The following WAPL variants were observed in gnomAD, a reference collection of about 807,000 sequenced individuals.
WAPL encodes WAPL cohesin release factor, also known as wings apart-like protein homolog.
WAPL carries 5 observed loss-of-function variants against 121.0 expected under a neutral mutation model. The observed-to-expected ratio is 0.04, with a 90% CI of 0.02 to 0.09. The LOEUF (loss-of-function observed/expected upper bound fraction) is 0.09, where lower values mean the gene tolerates loss of function less well. Ranked by LOEUF, WAPL falls within the 10% of genes least tolerant of loss-of-function variation. The pLI is 1.00. For synonymous variants in WAPL, 480 were observed against 481.5 expected (o/e 1.00, Z 0.04); for missense variants, 999 against 1,410.8 (o/e 0.71, Z 4.68).
chr10:86,448,304 A>G (rs886528459), intron 15 of WAPL, among the ~76,000 whole-genome samples: 2 of 152,158 alleles, frequency 1.3e-5, no homozygotes, highest in East Asian at 3.9e-4. Context: ...TACGAAACTT[A>G]GCCAAACGTG....
At chr10:86,467,630 A>C in intron 8 of WAPL, 124 bp from the exon 9 acceptor site, 5 of 703,144 alleles carry the variant, frequency 7.1e-6, no homozygotes, top group South Asian at 2.7e-5. Flanking sequence ...ATTACTAACC[A>C]TGTTGGAAAC....
chr10:86,506,777 A>C (rs1380276273), intron 2 of WAPL, among the ~76,000 whole-genome samples: 1 of 151,284 alleles, frequency 6.6e-6, no homozygotes, highest in Non-Finnish European at 1.5e-5. Flanking sequence ...GCAACAGAGA[A>C]AGACCTTGTT....
chr10:86,510,268 T>C (rs1842435415), intron 2 of WAPL, among the ~76,000 whole-genome samples: 1 of 151,902 alleles, frequency 6.6e-6, no homozygotes, highest in Non-Finnish European at 1.5e-5. Context: ...AGAGACGGGA[T>C]CTCACCATGT....
chr10:86,496,886 T>TG (rs138604710), intron 4 of WAPL, among the ~76,000 whole-genome samples: 90,589 of 138,880 alleles, frequency 0.65, 27,309 homozygotes, highest in African/African-American at 0.68. Context: ...AGGTGTGCAG[T>TG]GGGGGAGGAA....
Position 86,517,772 on chromosome 10 carries a change from A to G in WAPL, c.298T>C (p.Ser100Pro). ...AQVKCSSYSE[S>P]SEAAQLEEVT... ...TCTTCCAACTGAGCAGCTTCACTAG[A>G]TTCTGAATAAGAGGAACACTTAACC... Residue 100 changes from serine to proline, a missense_variant, in exon 2 of 19, where the codon TCT (serine) becomes CCT (proline). Physicochemically the swap from Ser to Pro is moderately conservative, Grantham distance 74. This residue lies in a region of WAPL where 531 missense variants were observed against 563.1 expected (regional missense o/e 0.94). Coordinates refer to ENST00000298767, the MANE Select transcript of WAPL (RefSeq NM_015045.5). 6.2e-7 allele frequency: 1 copy of G among 1,614,174 alleles called. No individual in the cohort carries two copies. The highest frequency in any genetic ancestry group is 8.5e-7 in the Non-Finnish European group (1 of 1,180,024).
At chr10:86,451,812 T>C (rs761756164) in intron 15 of WAPL, among the ~76,000 whole-genome samples, 155 bp downstream of exon 15, 1 of 152,154 alleles carries the variant, frequency 6.6e-6, no homozygotes, top group South Asian at 2.1e-4. Flanking sequence ...AGCAGAGACA[T>C]GCTTCAGGAG....
chr10:86,448,882 TG>T (rs1430191317), intron 15 of WAPL, among the ~76,000 whole-genome samples: 2 of 152,228 alleles, frequency 1.3e-5, no homozygotes, highest in Non-Finnish European at 2.9e-5. Context: ...CCCCAAGTGC[TG>T]GGATTACAGA....
chr10:86,491,522 G>C (rs974036217), intron 4 of WAPL, among the ~76,000 whole-genome samples: 3 of 151,986 alleles, frequency 2.0e-5, no homozygotes, highest in African/African-American at 7.2e-5. Flanking sequence ...TCAGATCTTG[G>C]TTTCTAAGTA....
chr10:86,482,870 T>C (rs554624632), intron 4 of WAPL, among the ~76,000 whole-genome samples: 32 of 152,290 alleles, frequency 2.1e-4, no homozygotes, highest in Non-Finnish European at 3.5e-4. Context: ...AACTTCCCAT[T>C]ATAAAATGAT....
chr10:86,518,366 T>C (rs1369540731), intron 1 of WAPL, among the ~76,000 whole-genome samples: 1 of 152,256 alleles, frequency 6.6e-6, no homozygotes, highest in Non-Finnish European at 1.5e-5. Context: ...ACGATATCCA[T>C]AAAGCTAACT....
chr10:86,458,678 A>T (rs1841205234), intron 12 of WAPL, among the ~76,000 whole-genome samples: 1 of 152,184 alleles, frequency 6.6e-6, no homozygotes. Flanking sequence ...TTACAAACAT[A>T]CAAATTAACT....
intron 12 of WAPL, among the ~76,000 whole-genome samples, chr10:86,456,730 T>C (rs139107863): frequency 5.1e-4 from 77 of 152,360 alleles, no homozygotes; most frequent in Admixed American, 9.8e-4. Flanking sequence ...GTTCTTCTGG[T>C]ATTGAATGCT....
At chr10:86,448,354 G>A (rs1840888188) in intron 15 of WAPL, among the ~76,000 whole-genome samples, 1 of 152,136 alleles carries the variant, frequency 6.6e-6, no homozygotes, top group Non-Finnish European at 1.5e-5. Flanking sequence ...GGGAGGCTGA[G>A]GTGAAAGGAT....
At chr10:86,456,639 G>A (rs905152892) in intron 12 of WAPL, among the ~76,000 whole-genome samples, 1 of 152,154 alleles carries the variant, frequency 6.6e-6, no homozygotes, top group African/African-American at 2.4e-5. Flanking sequence ...AAAACATACT[G>A]AGGAAGTTCT....
rs1256278340 is a variant in WAPL at position 86,500,011 on chromosome 10, G to A, written c.1232C>T (p.Thr411Ile). 6.2e-7 allele frequency: 1 copy of A among 1,614,110 alleles called. No homozygotes were observed. The highest frequency in any genetic ancestry group is 1.7e-5 in the Admixed American group (1 of 60,006). ...KADIATSKTTTRFRPSNTKSK... is the reference protein window; with the variant it reads ...KADIATSKTTIRFRPSNTKSK... ...TTTAGTATTACTAGGTCGAAATCTA[G>A]TAGTAGTCTTAGAAGTTGCAATATC... Residue 411 changes from threonine (T) to isoleucine (I), a missense_variant, in exon 3 of 19, where the codon ACT (threonine) becomes ATT (isoleucine). Thr to Ile is a moderately conservative substitution (Grantham distance 89, BLOSUM62 -1). Transcript: ENST00000298767.
chr10:86,471,640 T>C (rs1841535501), intron 7 of WAPL, among the ~76,000 whole-genome samples: 1 of 152,042 alleles, frequency 6.6e-6, no homozygotes, highest in Non-Finnish European at 1.5e-5. Flanking sequence ...TTTACTTTAT[T>C]TCTTTCTGGT....
At chr10:86,461,044 G>A in intron 10 of WAPL, 132 bp downstream of exon 10, 1 of 747,048 alleles carries the variant, frequency 1.3e-6, no homozygotes, top group Non-Finnish European at 2.1e-6. Context: ...AAATTTGCAG[G>A]ATGCAACTAA....
intron 9 of WAPL, among the ~76,000 whole-genome samples, chr10:86,462,902 ATT>A (rs950446972): frequency 3.9e-5 from 6 of 152,192 alleles, no homozygotes; most frequent in African/African-American, 1.4e-4. Context: ...CTAATGAGGC[ATT>A]CTTTGTTTAG....
In WAPL at chr10:86,500,407, A is replaced by G; in HGVS notation, c.836T>C (p.Ile279Thr). Residue 279 changes from isoleucine to threonine, a missense_variant, in exon 3 of 19, where the codon ATT becomes ACT. Around this residue, in one of 7 missense-constraint regions of WAPL, gnomAD observed 531 missense variants for 563.1 expected, o/e 0.94. Coordinates refer to ENST00000298767, the MANE Select transcript of WAPL (RefSeq NM_015045.5). ...AACACTTTGTACAATATCTTCCTCA[A>G]TGGCTTCATTCAGATTTTCCAATCG... The part of the protein sequence containing the change: ...KNRLENLNEA[I>T]EEDIVQSVLR... 6.2e-7 allele frequency: 1 copy of G among 1,614,216 alleles called. No homozygotes were observed. The highest frequency in any genetic ancestry group is 1.6e-4 in the Middle Eastern group (1 of 6,062).
Sources: allele counts gnomAD v4.1 joint callset (sites outside exome capture counted in the v4.1 genomes callset), GRCh38; gene constraint gnomAD v4.1.1; regional missense constraint gnomAD v4.1.1; transcripts MANE v1.5; gene names NCBI Gene and HGNC (gene_info 2026-07-23, HGNC 2026-07-21).